DIP2B: variants seen among roughly 807,000 people sequenced by gnomAD.
DIP2B encodes disco-interacting protein 2 homolog B.
A neutral mutation model predicts 198.0 loss-of-function variants in DIP2B; 76 were observed. That is an observed-to-expected ratio of 0.38 (90% CI 0.32 to 0.46). The LOEUF is 0.46. Among genes scored for constraint, DIP2B ranks in the 20% least tolerant of loss-of-function variants. The probability of loss-of-function intolerance (pLI) is 0.99; values close to 1 mark genes in which losing one functional copy is unlikely to be tolerated. For synonymous variants in DIP2B, 701 were observed against 739.1 expected, an observed-to-expected ratio of 0.95 and a Z score of 0.84; for missense variants, 1,559 against 1,978.4, an observed-to-expected ratio of 0.79 and a Z score of 4.02.
chr12:50,600,023 C>A (rs1046240324), intron 1 of DIP2B, among the ~76,000 whole-genome samples: 1 of 152,126 alleles, frequency 6.6e-6, no homozygotes, highest in Non-Finnish European at 1.5e-5. Flanking sequence ...ATATTGAGAA[C>A]CTTTGTTTTT....
At chr12:50,513,747 G>C (rs1432868914) in intron 1 of DIP2B, among the ~76,000 whole-genome samples, 1 of 151,828 alleles carries the variant, frequency 6.6e-6, no homozygotes, top group African/African-American at 2.4e-5. Context: ...GGTGGCAGGC[G>C]CCTGTAATCC....
At chr12:50,739,341 C>A (rs759466358) in intron 35 of DIP2B, 68 bp from the exon 36 acceptor site, 12 of 1,521,858 alleles carry the variant, frequency 7.9e-6, no homozygotes, top group Non-Finnish European at 1.1e-5. Flanking sequence ...ATCAAAATAA[C>A]CTGATCCAAG....
intron 33 of DIP2B, among the ~76,000 whole-genome samples, chr12:50,734,646 T>TA (rs1940104904): frequency 6.6e-6 from 1 of 152,188 alleles, no homozygotes; most frequent in Non-Finnish European, 1.5e-5. Context: ...CCCAGGGCTC[T>TA]AAGACTTCTC....
intron 1 of DIP2B, among the ~76,000 whole-genome samples, chr12:50,572,565 AAC>A: frequency 6.6e-6 from 1 of 152,284 alleles, no homozygotes; most frequent in Admixed American, 6.5e-5. Flanking sequence ...AAATGAACAA[AAC>A]ACAGGCTCAG....
At chr12:50,596,361 A>G (rs1958878711) in intron 1 of DIP2B, among the ~76,000 whole-genome samples, 2 of 152,156 alleles carry the variant, frequency 1.3e-5, no homozygotes, top group Admixed American at 6.5e-5. Flanking sequence ...AAGAACAGGT[A>G]TGGATGGTTG....
intron 1 of DIP2B, among the ~76,000 whole-genome samples, chr12:50,581,927 A>T (rs545311490): frequency 1.3e-5 from 2 of 152,136 alleles, no homozygotes; most frequent in Non-Finnish European, 2.9e-5. Context: ...GTAGCCTTTA[A>T]TACTGATTGA....
intron 30 of DIP2B, among the ~76,000 whole-genome samples, chr12:50,729,880 C>A (rs192637867): frequency 6.6e-6 from 1 of 152,048 alleles, no homozygotes; most frequent in East Asian, 1.9e-4. Context: ...CAGGTGCACA[C>A]CACCACACCT....
At chr12:50,690,860 C>T (rs1939211483) in intron 12 of DIP2B, among the ~76,000 whole-genome samples, 189 bp from the exon 13 acceptor site, 1 of 152,142 alleles carries the variant, frequency 6.6e-6, no homozygotes, top group East Asian at 1.9e-4. Flanking sequence ...TGAGCTTTGT[C>T]ATCCTCCAAT....
At chr12:50,542,131 A>G (rs1290761072) in intron 1 of DIP2B, among the ~76,000 whole-genome samples, 1 of 149,662 alleles carries the variant, frequency 6.7e-6, no homozygotes, top group Admixed American at 6.7e-5. Context: ...CTCTACTAAA[A>G]ATACTACTTG....
At chr12:50,506,688 G>A (rs1957971394) in intron 1 of DIP2B, among the ~76,000 whole-genome samples, 1 of 152,126 alleles carries the variant, frequency 6.6e-6, no homozygotes, top group Non-Finnish European at 1.5e-5. Context: ...TGTCTGCCCA[G>A]TTATACCTTA....
chr12:50,632,295 C>A (rs983379160), intron 2 of DIP2B, among the ~76,000 whole-genome samples: 4 of 151,842 alleles, frequency 2.6e-5, no homozygotes, highest in African/African-American at 9.6e-5. Flanking sequence ...GCCTGACCAA[C>A]ATGGAGAAAC....
intron 19 of DIP2B, among the ~76,000 whole-genome samples, chr12:50,702,703 A>G (rs1043234919): frequency 3.2e-4 from 40 of 125,772 alleles, no homozygotes; most frequent in Non-Finnish European, 5.7e-4. Context: ...ACTGCATTCC[A>G]GCCTGGGCAA....
intron 1 of DIP2B, among the ~76,000 whole-genome samples, chr12:50,599,007 T>C (rs1382464967): frequency 7.2e-6 from 1 of 138,906 alleles, no homozygotes; most frequent in Non-Finnish European, 1.5e-5. Context: ...AAAAAACTCT[T>C]GGCTGGGCAC....
chr12:50,660,286 G>T lies in DIP2B; in HGVS notation c.394G>T (p.Val132Phe), dbSNP rs778000170. 11 of 1,612,012 alleles carry T rather than the reference G, an allele frequency of 6.8e-6. 1 individual carries two copies. The East Asian group carries it at 2.5e-4, about 36-fold the overall frequency. Reference sequence around the variant, plus strand: ...GCCAACCAAAAGGCGATCCACATTTGTTCAGTCTCCTGCAGATGCCTGCAC... The same window carrying T: ...GCCAACCAAAAGGCGATCCACATTTTTTCAGTCTCCTGCAGATGCCTGCAC... ...PMPTKRRSTF[V>F]QSPADACTPP... The change falls in exon 4 of 38, where the codon GTT becomes TTT. Residue 132 changes from valine to phenylalanine, a missense_variant. By Grantham distance (50) the Val-to-Phe change is conservative. Transcript: ENST00000301180.
intron 13 of DIP2B, among the ~76,000 whole-genome samples, chr12:50,692,469 A>G (rs988283168): frequency 6.6e-6 from 1 of 152,166 alleles, no homozygotes; most frequent in African/African-American, 2.4e-5. Context: ...TAACCACATT[A>G]CCCTATGAGC....
At chr12:50,506,332 AAAG>A (rs778412356) in intron 1 of DIP2B, among the ~76,000 whole-genome samples, 15 of 152,334 alleles carry the variant, frequency 9.8e-5, no homozygotes, top group African/African-American at 1.9e-4. Flanking sequence ...CTTGATTGGA[AAAG>A]AAGAATGTGA....
intron 2 of DIP2B, among the ~76,000 whole-genome samples, chr12:50,639,605 C>G (rs773028853): frequency 1.5e-4 from 22 of 148,052 alleles, no homozygotes; most frequent in Non-Finnish European, 2.4e-4. Flanking sequence ...TTTTTTTTTC[C>G]TTAATTTTTT....
At chr12:50,573,419 A>T (rs990357602) in intron 1 of DIP2B, among the ~76,000 whole-genome samples, 1 of 152,126 alleles carries the variant, frequency 6.6e-6, no homozygotes, top group African/African-American at 2.4e-5. Flanking sequence ...TTCCTGGCCT[A>T]CCCTGGTCTG....
intron 1 of DIP2B, among the ~76,000 whole-genome samples, chr12:50,552,880 C>T (rs1443886913): frequency 1.3e-5 from 2 of 151,028 alleles, no homozygotes; most frequent in Non-Finnish European, 2.9e-5. Flanking sequence ...TTATTTTTTC[C>T]CAGAGTCTTC....
Sources: gnomAD v4.1 joint callset for allele counts (sites outside exome capture counted in the v4.1 genomes callset) on GRCh38, gnomAD v4.1.1 for gene constraint, MANE v1.5 for transcripts, NCBI Gene and HGNC (gene_info 2026-07-23, HGNC 2026-07-21) for gene names.